MYL5: variants seen among roughly 807,000 people sequenced by gnomAD.
MYL5 encodes the protein myosin light chain 5, also known as myosin regulatory light chain 5.
In MYL5, 28 loss-of-function variants were observed where a neutral mutation model predicts 20.8. The ratio of observed to expected loss-of-function variants is 1.35; its 90% confidence interval spans 1.00 to 1.84. MYL5 has a LOEUF of 1.84. MYL5 is among the 40% of genes most tolerant of loss of function. MYL5 has a pLI of 0.00. For synonymous variants in MYL5, 118 were observed against 87.4 expected (o/e 1.35, Z -1.95); for missense variants, 274 against 227.3 (o/e 1.21, Z -1.32).
intron 1 of MYL5, chr4:678,279 C>A: frequency 6.9e-7 from 1 of 1,453,708 alleles, no homozygotes; most frequent in Non-Finnish European, 9.1e-7. Context: ...GAGTCCGGAG[C>A]AGGATGAGGG....
At chr4:681,119 T>C in exon 6 of MYL5, 1 of 1,607,102 alleles carries the variant, frequency 6.2e-7, no homozygotes. Flanking sequence ...TGTCCCAGGC[T>C]GACAAGATGA....
chr4:675,865 A>G (rs1183350542), upstream of MYL5: 1 of 152,284 alleles, frequency 6.6e-6, no homozygotes. Context: ...GTGAGAATCT[A>G]ATGCCTGATG....
intron 6 of MYL5, among the ~76,000 whole-genome samples, chr4:681,394 C>G (rs1409200068): frequency 6.6e-6 from 1 of 152,086 alleles, no homozygotes; most frequent in Non-Finnish European, 1.5e-5. Context: ...AGCGTCTGTC[C>G]CAGCCGGAGG....
chr4:681,859 A>C (rs1167931706), intron 6 of MYL5, 34 bp from the exon 9 acceptor site: 17 of 1,306,110 alleles, frequency 1.3e-5, no homozygotes, highest in Non-Finnish European at 1.7e-5. Flanking sequence ...TCGCTCCCGG[A>C]GCCCGCAAGG....
upstream of MYL5, chr4:676,771 A>C: frequency 2.1e-6 from 1 of 472,890 alleles, no homozygotes; most frequent in Non-Finnish European, 2.8e-6. Context: ...GCAGCAGGGG[A>C]TGCCCTGGCC....
chr4:678,151 GTGTGCTCTGCCTGCATATGTGTGTGCA>G, intron 1 of MYL5, 122 bp downstream of exon 3: 1 of 1,547,846 alleles, frequency 6.5e-7, no homozygotes, highest in Non-Finnish European at 8.7e-7. Flanking sequence ...AGGTGTGGGC[GTGTGCTCTGCCTGCATATGTGTGTGCA>G]TGAGCGTGTG....
At chr4:675,758 C>G (rs943261794), upstream of MYL5, 1 of 152,322 alleles carries the variant, frequency 6.6e-6, no homozygotes, top group Non-Finnish European at 1.5e-5. Context: ...CATGATTGCC[C>G]GAGCTCCACC....
intron 5 of MYL5, 110 bp downstream of exon 7, chr4:680,697 C>G: frequency 8.7e-7 from 1 of 1,143,120 alleles, no homozygotes; most frequent in Non-Finnish European, 1.3e-6. Flanking sequence ...CTCCCCACCT[C>G]TGACCAGCTT....
At position 679,155 on chromosome 4, in the gene MYL5, A is replaced by G. The variant is rs1303537324; in HGVS notation, c.187+122A>G. ...GGGCCCGCGCCTCAGAGGCCCACCA[A>G]CGGCCCTGAAGCTGCAAGGTGATGG... is the stretch of plus-strand genomic sequence containing the variant. On this transcript the variant is annotated intron_variant, in intron 3 of 6. Coordinates refer to ENST00000400159, the Ensembl canonical transcript of MYL5. 3 of 927,078 alleles carry G rather than the reference A, an allele frequency of 3.2e-6. No individual in the cohort carries two copies. In the East Asian group the frequency reaches 8.0e-5, roughly 25 times the overall value. 57.4% of individuals were successfully genotyped at this position (927,078 alleles called of 1,614,324 possible). A position where few individuals can be genotyped will look rare whatever the true frequency, so the allele number is the denominator to read the frequency against.
chr4:678,539 C>G (rs562261133), intron 1 of MYL5, 119 bp from the exon 4 acceptor site: 51 of 1,469,252 alleles, frequency 3.5e-5, no homozygotes, highest in Non-Finnish European at 4.4e-5. Context: ...GTCTGGCCCC[C>G]TCCAGCCCGA....
At chr4:677,460 T>C (rs1183308645), upstream of MYL5, among the ~76,000 whole-genome samples, 1 of 152,144 alleles carries the variant, frequency 6.6e-6, no homozygotes, top group Non-Finnish European at 1.5e-5. Flanking sequence ...TCATCACCCA[T>C]GGGCCAGGCA....
chr4:680,922 G>A, intron 5 of MYL5, 170 bp from the exon 8 acceptor site: 1 of 742,618 alleles, frequency 1.3e-6, no homozygotes, highest in Admixed American at 2.5e-5. Flanking sequence ...CAGAAGTGAT[G>A]GCCCCTGAGT....
At chr4:681,634 AGCGCCGCCCCGCCCCCTCCAGCGCC>A (rs1739592245) in intron 6 of MYL5, among the ~76,000 whole-genome samples, 1 of 2,136 alleles carries the variant, frequency 4.7e-4, no homozygotes, top group African/African-American at 2.2e-3. Flanking sequence ...CGCCCCCTCC[AGCGCCGCCCCGCCCCCTCCAGCGCC>A]GCCCCGCCCC....
intron 6 of MYL5, 110 bp from the exon 9 acceptor site, chr4:681,783 C>T (rs1316845474): frequency 1.6e-6 from 2 of 1,229,280 alleles, no homozygotes; most frequent in Non-Finnish European, 2.0e-6. Context: ...ACCCGGGCCC[C>T]TCCCCGCTCC....
Position 678,736 on chromosome 4 carries a change from G to A in MYL5, c.82G>A (p.Glu28Lys), listed in dbSNP as rs889884076. ...CTCATCCAATGTCTTCTCCAACTTT[G>A]AGCAGACTCAGATCCAGGAGTTCAA... Residue 28 changes from glutamate to lysine, a missense_variant, in exon 2 of 7, where the codon GAG becomes AAG. Glu to Lys is a moderately conservative substitution (Grantham distance 56). Coordinates refer to ENST00000400159, the Ensembl canonical transcript of MYL5. 6.2e-7 allele frequency: 1 copy of A among 1,611,810 alleles called. No homozygotes were observed.
At chr4:679,298 G>A (rs1027491599) in intron 3 of MYL5, 4 of 599,314 alleles carry the variant, frequency 6.7e-6, no homozygotes, top group African/African-American at 5.7e-5. Flanking sequence ...AGGCTCCAGG[G>A]AGGGGCTGAC....
chr4:678,672 CAAG>C (rs1185860939), exon 2 of MYL5: 7 of 1,609,398 alleles, frequency 4.3e-6, no homozygotes, highest in Middle Eastern at 1.7e-4. Context: ...GCAGGAAGAC[CAAG>C]AAGAAGGAAG....
chr4:680,357 AAGG>A, intron 4 of MYL5, 149 bp from the exon 7 acceptor site: 2 of 835,374 alleles, frequency 2.4e-6, no homozygotes, highest in Middle Eastern at 2.9e-4. Context: ...GGGCTCAGGA[AAGG>A]AGAAGGCCTT....
At chr4:678,008 A>AAAGCAGGCAG in exon 1 of MYL5, 1 of 1,613,454 alleles carries the variant, frequency 6.2e-7, no homozygotes, top group Admixed American at 1.7e-5. Context: ...CAGACGCATC[A>AAAGCAGGCAG]AAGCAGGCAG....
Sources: allele counts gnomAD v4.1 joint callset (sites outside exome capture counted in the v4.1 genomes callset), GRCh38; gene constraint gnomAD v4.1.1; transcripts MANE v1.5; gene names NCBI Gene and HGNC (gene_info 2026-07-23, HGNC 2026-07-21).